The following THADA variants were observed in gnomAD, a reference collection of about 807,000 sequenced individuals.
The protein encoded by THADA is tRNA (32-2'-O)-methyltransferase regulator THADA.
THADA carries 213 observed loss-of-function variants against 219.8 expected under a neutral mutation model. The observed-to-expected ratio is 0.97, with a 90% CI of 0.87 to 1.09. THADA has a LOEUF of 1.09. Among genes scored for constraint, THADA ranks in the 50% least tolerant of loss-of-function variants. The probability of loss-of-function intolerance (pLI) is 0.00; values close to 1 mark genes in which losing one functional copy is unlikely to be tolerated. For synonymous variants in THADA, 1,018 were observed against 828.9 expected, an observed-to-expected ratio of 1.23 and a Z score of -3.92; for missense variants, 2,956 against 2,311.3, an observed-to-expected ratio of 1.28 and a Z score of -5.72.
At chr2:43,362,817 T>A (rs1669684519) in intron 29 of THADA, among the ~76,000 whole-genome samples, 1 of 152,238 alleles carries the variant, frequency 6.6e-6, no homozygotes, top group African/African-American at 2.4e-5. Flanking sequence ...TGTGCAGCTA[T>A]AAAAAATAAT....
At chr2:43,254,930 T>A (rs775030926) in intron 36 of THADA, among the ~76,000 whole-genome samples, 2 of 152,140 alleles carry the variant, frequency 1.3e-5, no homozygotes, top group Non-Finnish European at 2.9e-5. Flanking sequence ...CCCAAAAAGT[T>A]TTTCTGGGGA....
chr2:43,478,700 G>A (rs1221517169), intron 26 of THADA, among the ~76,000 whole-genome samples: 4 of 152,168 alleles, frequency 2.6e-5, no homozygotes, highest in African/African-American at 4.8e-5. Context: ...GCCTGAAGCA[G>A]TACTTAGAAA....
At chr2:43,297,810 C>T (rs1269928934) in intron 31 of THADA, among the ~76,000 whole-genome samples, 7 of 115,530 alleles carry the variant, frequency 6.1e-5, no homozygotes, top group Admixed American at 3.2e-4. Flanking sequence ...CCGCCCCGTC[C>T]GGGAGGGAGG....
At position 43,577,178 on chromosome 2, in the gene THADA, C is replaced by A. The variant is rs1179874234; in HGVS notation, c.881G>T (p.Cys294Phe). 1.2e-6 allele frequency: 2 copies of A among 1,607,726 alleles called. No individual in the cohort carries two copies. The highest frequency in any genetic ancestry group is 1.3e-5 in the African/African-American group (1 of 74,948). The change falls in exon 10 of 38, where the codon TGC (cysteine) becomes TTC (phenylalanine). Residue 294 changes from cysteine (C) to phenylalanine (F), a missense_variant. Cys to Phe is a radical substitution (Grantham distance 205). Transcript: ENST00000405975. ...GATGTCACCACAACAGAGGCTCCTGCAGCTGCTCATAAACCACTCGGGGAC... is the reference window on the plus strand; with the variant it reads ...GATGTCACCACAACAGAGGCTCCTGAAGCTGCTCATAAACCACTCGGGGAC... Reference protein sequence around the residue: ...TSVPEWFMSSCRSLCCGDISQ... With the variant: ...TSVPEWFMSSFRSLCCGDISQ...
intron 28 of THADA, among the ~76,000 whole-genome samples, chr2:43,423,683 C>A (rs1021646226): frequency 6.6e-6 from 1 of 152,132 alleles, no homozygotes; most frequent in African/African-American, 2.4e-5. Context: ...CCGCCCGCCT[C>A]GGCCTCTGAG....
chr2:43,389,617 C>T (rs946256777), intron 29 of THADA, among the ~76,000 whole-genome samples: 3 of 152,200 alleles, frequency 2.0e-5, no homozygotes, highest in African/African-American at 7.2e-5. Context: ...CACATGCTGA[C>T]CTGCACCCAC....
At chr2:43,311,320 T>TA (rs1301852179) in intron 31 of THADA, among the ~76,000 whole-genome samples, 1 of 152,130 alleles carries the variant, frequency 6.6e-6, no homozygotes, top group Non-Finnish European at 1.5e-5. Context: ...AAAAGCACAA[T>TA]TAGATCCCAG....
In THADA at chr2:43,296,380, A is replaced by G. The variant is rs1035908470; in HGVS notation, c.4439-3167T>C. Among the ~76,000 whole-genome samples the G allele has an allele frequency of 4.3e-4, 65 of 151,970 alleles. 1 individual carries two copies. Among genetic ancestry groups the G allele is most frequent in the African/African-American group, 1.5e-3 (63 of 41,372 alleles). On this transcript the variant is annotated intron_variant, in intron 31 of 37. Transcript: ENST00000405975. ...AACCTTCGCCTCCCCGGTACAAGTA[A>G]TTCTCCTGTCTCAGCCTCCAGAGTA...
At chr2:43,311,107 C>T (rs1038971995) in intron 31 of THADA, among the ~76,000 whole-genome samples, 5 of 151,332 alleles carry the variant, frequency 3.3e-5, no homozygotes, top group South Asian at 4.2e-4. Flanking sequence ...AACCGGGAGG[C>T]GGAGGTTGCA....
chr2:43,400,887 G>T (rs1573470386), intron 28 of THADA, among the ~76,000 whole-genome samples: 1 of 152,042 alleles, frequency 6.6e-6, no homozygotes, highest in Non-Finnish European at 1.5e-5. Flanking sequence ...GTTTTAAAAA[G>T]GTAAGACAAC....
At chr2:43,360,942 G>A (rs1669442321) in intron 29 of THADA, among the ~76,000 whole-genome samples, 1 of 152,148 alleles carries the variant, frequency 6.6e-6, no homozygotes, top group South Asian at 2.1e-4. Flanking sequence ...CGTGGAATGA[G>A]TTCATCCCCA....
At chr2:43,303,170 G>A (rs1272032385) in intron 31 of THADA, among the ~76,000 whole-genome samples, 1 of 152,116 alleles carries the variant, frequency 6.6e-6, no homozygotes, top group African/African-American at 2.4e-5. Context: ...GTCCTTCATG[G>A]CACTGAGGAG....
chr2:43,335,684 T>A (rs577209317), intron 30 of THADA, among the ~76,000 whole-genome samples: 2 of 151,434 alleles, frequency 1.3e-5, no homozygotes, highest in East Asian at 3.9e-4. Context: ...CTGGGCTGAG[T>A]GTGGTGGCTC....
At chr2:43,381,420 T>C (rs902807652) in intron 29 of THADA, among the ~76,000 whole-genome samples, 3 of 152,112 alleles carry the variant, frequency 2.0e-5, no homozygotes, top group Admixed American at 6.6e-5. Flanking sequence ...GAAGCTCAAC[T>C]TCCTTCTCCC....
intron 22 of THADA, among the ~76,000 whole-genome samples, chr2:43,520,702 G>GTATATATATA (rs377737093): frequency 0.046 from 6,174 of 135,492 alleles, 147 homozygotes; most frequent in South Asian, 0.089. Context: ...ATATTTATAC[G>GTATATATATA]TATATATATA....
chr2:43,570,601 G>A (rs1281822529), intron 13 of THADA, 91 bp from the exon 14 acceptor site: 3 of 1,322,028 alleles, frequency 2.3e-6, no homozygotes, highest in Non-Finnish European at 3.1e-6. Flanking sequence ...TAAAACTTCA[G>A]GCAAGAAGAG....
At chr2:43,328,104 C>G (rs566577053) in intron 30 of THADA, among the ~76,000 whole-genome samples, 1 of 152,196 alleles carries the variant, frequency 6.6e-6, no homozygotes, top group Admixed American at 6.5e-5. Flanking sequence ...TCTGCCATTC[C>G]GATTTCCAAT....
intron 29 of THADA, among the ~76,000 whole-genome samples, chr2:43,350,092 C>A (rs1011047068): frequency 2.0e-5 from 3 of 152,122 alleles, no homozygotes; most frequent in African/African-American, 7.2e-5. Context: ...GTCAGGCCCC[C>A]TTTTTTTCTC....
Position 43,551,819 on chromosome 2 carries a change from CA to C in THADA, c.2916del (p.Glu973LysfsTer18). On this transcript the variant is annotated frameshift_variant, in exon 19 of 38. Transcript: ENST00000405975. LOFTEE classifies it high-confidence loss of function. Reference protein sequence around the residue: ...VVSPVIQSSSPEGLIPMDTDS... With the variant: ...VVSPVIQSSSXEGLIPMDTDS... ...TCAGTGTCCATTGGGATGAGGCCTT[CA>C]GGGGATGAGCTCTGAATGACTGGAG... The C allele has an allele frequency of 6.2e-7, 1 of 1,613,702 alleles. No individual in the cohort carries two copies. The highest frequency in any genetic ancestry group is 8.5e-7 in the Non-Finnish European group (1 of 1,179,808).
Sources: gnomAD v4.1 joint callset for allele counts (sites outside exome capture counted in the v4.1 genomes callset) on GRCh38, gnomAD v4.1.1 for gene constraint, MANE v1.5 for transcripts, NCBI Gene and HGNC (gene_info 2026-07-23, HGNC 2026-07-21) for gene names.